CD109: variants seen among roughly 807,000 people sequenced by gnomAD.
The protein encoded by CD109 is CD109 antigen.
In CD109, 149 loss-of-function variants were observed where a neutral mutation model predicts 165.8. The observed-to-expected ratio is 0.90, with a 90% confidence interval of 0.79 to 1.03. The LOEUF (loss-of-function observed/expected upper bound fraction) is 1.03. Among genes scored for constraint, CD109 ranks in the 50% least tolerant of loss-of-function variants. CD109 has a pLI of 0.00. For synonymous variants in CD109, 585 were observed against 592.1 expected, an observed-to-expected ratio of 0.99 and a Z score of 0.18; for missense variants, 1,712 against 1,677.8, an observed-to-expected ratio of 1.02 and a Z score of -0.36.
intron 3 of CD109, among the ~76,000 whole-genome samples, chr6:73,726,980 C>A (rs1333479911): frequency 6.6e-6 from 1 of 152,100 alleles, no homozygotes; most frequent in East Asian, 1.9e-4. Flanking sequence ...TATCAAGGAA[C>A]AGCTTTTTTT....
At chr6:73,679,926 C>T in the CD109 span, among the ~76,000 whole-genome samples, 1 of 152,282 alleles carries the variant, frequency 6.6e-6, no homozygotes, top group Admixed American at 6.5e-5. Context: ...TGTGTGACTA[C>T]ACCCGGGTAT....
chr6:73,709,766 G>C (rs1235914928), intron 2 of CD109, among the ~76,000 whole-genome samples: 2 of 152,152 alleles, frequency 1.3e-5, no homozygotes, highest in East Asian at 1.9e-4. Context: ...CTTCATCCCT[G>C]GGATGCAAGG....
chr6:73,776,553 CTTTTTTTTTTTTTT>C (rs34703329), intron 15 of CD109, among the ~76,000 whole-genome samples: 1 of 73,110 alleles, frequency 1.4e-5, no homozygotes, highest in East Asian at 4.1e-4. Flanking sequence ...CGCAAGTGGC[CTTTTTTTTTTTTTT>C]TTTTTTTTTT....
chr6:73,783,471 A>G (rs1273774377), intron 18 of CD109, among the ~76,000 whole-genome samples: 1 of 152,240 alleles, frequency 6.6e-6, no homozygotes, highest in Admixed American at 6.5e-5. Flanking sequence ...ATTTTGCAGG[A>G]AGATTTTATT....
At chr6:73,720,331 A>G (rs755103460) in intron 2 of CD109, among the ~76,000 whole-genome samples, 8 of 152,206 alleles carry the variant, frequency 5.3e-5, no homozygotes, top group Non-Finnish European at 1.0e-4. Flanking sequence ...CATAGAAACA[A>G]AGGGTAAAAT....
chr6:73,745,729 T>C (rs1361021542), intron 5 of CD109, among the ~76,000 whole-genome samples: 1 of 151,846 alleles, frequency 6.6e-6, no homozygotes, highest in Non-Finnish European at 1.5e-5. Context: ...AAAGATTAAT[T>C]TTTTGTTGTT....
chr6:73,752,587 A>G (rs1773234282), intron 5 of CD109, among the ~76,000 whole-genome samples: 1 of 152,146 alleles, frequency 6.6e-6, no homozygotes, highest in Admixed American at 6.5e-5. Context: ...AAATCTAATC[A>G]AGGCCGTCTT....
chr6:73,766,527 G>A (rs562200384), intron 11 of CD109, among the ~76,000 whole-genome samples: 1 of 100,584 alleles, frequency 9.9e-6, no homozygotes, highest in East Asian at 2.7e-4. Context: ...ATATGTATAT[G>A]TGTGTGTGTA....
intron 5 of CD109, among the ~76,000 whole-genome samples, chr6:73,753,025 T>A (rs1260446431): frequency 6.6e-6 from 1 of 152,220 alleles, no homozygotes; most frequent in Non-Finnish European, 1.5e-5. Context: ...AATTTGGAAA[T>A]ACATTTTATT....
chr6:73,710,570 G>GC (rs1771490611), intron 2 of CD109, among the ~76,000 whole-genome samples: 1 of 151,788 alleles, frequency 6.6e-6, no homozygotes, highest in South Asian at 2.1e-4. Context: ...TTATCACAAT[G>GC]CTTGGTACAT....
In CD109 at chr6:73,787,601, A is replaced by T. The variant is rs895105903; in HGVS notation, c.2556+149A>T. 1.2e-5 allele frequency: 7 copies of T among 602,822 alleles called. No individual in the cohort carries two copies. In the Admixed American group the frequency reaches 2.2e-4, roughly 19 times the overall value. The allele number at this position is 602,822 out of a possible 1,614,324, so 37.3% of individuals were successfully genotyped here. A position where few individuals can be genotyped will look rare whatever the true frequency, so the allele number is the denominator to read the frequency against. ...AATGCCTAATCACTTTCTAATCTGT[A>T]TGTAAAAATAAATCATTTAGAAATA... On this transcript the variant is annotated intron_variant, in intron 21 of 32. Transcript: ENST00000287097.
intron 5 of CD109, among the ~76,000 whole-genome samples, chr6:73,743,669 G>A (rs985040835): frequency 6.6e-6 from 1 of 151,546 alleles, no homozygotes; most frequent in Non-Finnish European, 1.5e-5. Context: ...GACAGTTCTT[G>A]TCCCTAAAGC....
intron 2 of CD109, among the ~76,000 whole-genome samples, chr6:73,719,785 A>G (rs1053066287): frequency 6.6e-6 from 1 of 152,090 alleles, no homozygotes; most frequent in African/African-American, 2.4e-5. Flanking sequence ...TCTTCAACAA[A>G]TGTTTTTACA....
Position 73,782,602 on chromosome 6 carries a change from G to A in CD109, c.1964-12G>A. ...GACTGTTTTTCTAACTACTGTCAAT[G>A]TTTATTTATAGATGACAATGCAGAA... is the stretch of plus-strand genomic sequence containing the variant. On this transcript the variant is annotated splice_polypyrimidine_tract_variant and intron_variant, in intron 17 of 32. Coordinates refer to ENST00000287097, the MANE Select transcript of CD109 (RefSeq NM_133493.5). The A allele has an allele frequency of 6.2e-7, 1 of 1,608,136 alleles. No individual in the cohort carries two copies. The highest frequency in any genetic ancestry group is 8.5e-7 in the Non-Finnish European group (1 of 1,175,706).
At chr6:73,744,934 C>T (rs60930597) in intron 5 of CD109, among the ~76,000 whole-genome samples, 3,338 of 152,130 alleles carry the variant, frequency 0.022, 227 homozygotes, top group East Asian at 0.21. Context: ...TCTTAGAGGT[C>T]GCCTAGATCC....
At chr6:73,756,904 C>G (rs1285883287) in intron 6 of CD109, among the ~76,000 whole-genome samples, 1 of 152,092 alleles carries the variant, frequency 6.6e-6, no homozygotes, top group African/African-American at 2.4e-5. Context: ...TTGCATTGTG[C>G]TAGTCTTTTT....
chr6:73,783,622 A>C, intron 18 of CD109, 85 bp from the exon 19 acceptor site: 1 of 809,068 alleles, frequency 1.2e-6, no homozygotes, highest in Non-Finnish European at 2.1e-6. Flanking sequence ...AAATTCTTCC[A>C]AAAATAGTTT....
intron 25 of CD109, among the ~76,000 whole-genome samples, chr6:73,807,444 A>C (rs79579462): frequency 0.017 from 2,566 of 152,302 alleles, 64 homozygotes; most frequent in African/African-American, 0.058. Flanking sequence ...TTTTTTACTT[A>C]TAAAACATCA....
At chr6:73,707,216 G>A (rs9446989) in intron 2 of CD109, among the ~76,000 whole-genome samples, 228 of 152,284 alleles carry the variant, frequency 1.5e-3, no homozygotes, top group African/African-American at 5.2e-3. Context: ...TGGGAGTTGG[G>A]GAGTGTGGTA....
Sources: allele counts gnomAD v4.1 joint callset (sites outside exome capture counted in the v4.1 genomes callset), GRCh38; gene constraint gnomAD v4.1.1; transcripts MANE v1.5; gene names NCBI Gene and HGNC (gene_info 2026-07-23, HGNC 2026-07-21).